Variants in WDPCP observed in about 807,000 individuals in gnomAD.
The protein encoded by WDPCP is WD repeat containing planar cell polarity effector.
WDPCP carries 71 observed loss-of-function variants against 93.1 expected under a neutral mutation model. The ratio of observed to expected loss-of-function variants is 0.76; its 90% CI spans 0.63 to 0.93. WDPCP has a LOEUF of 0.93. Among genes scored for constraint, WDPCP ranks in the 40% least tolerant of loss-of-function variants. WDPCP has a pLI of 0.00. For missense variants in WDPCP, 844 were observed against 887.4 expected, an observed-to-expected ratio of 0.95 and a Z score of 0.62; for synonymous variants, 315 against 315.0, an observed-to-expected ratio of 1.00 and a Z score of 0.00.
intron 2 of WDPCP, among the ~76,000 whole-genome samples, chr2:63,657,229 G>C (rs1710178597): frequency 8.5e-6 from 1 of 117,312 alleles, no homozygotes; most frequent in Non-Finnish European, 1.7e-5. Flanking sequence ...TTTTGCGACG[G>C]AGTCTCGCTC....
intron 2 of WDPCP, among the ~76,000 whole-genome samples, chr2:63,805,477 C>G (rs1261805590): frequency 6.6e-6 from 1 of 152,160 alleles, no homozygotes; most frequent in Non-Finnish European, 1.5e-5. Flanking sequence ...TTGAAACTGA[C>G]TCAGTTTGGT....
At chr2:63,554,634 C>T (rs544618864) in intron 1 of WDPCP, among the ~76,000 whole-genome samples, 3 of 140,776 alleles carry the variant, frequency 2.1e-5, no homozygotes, top group South Asian at 4.8e-4. Context: ...GCCTGGGTAA[C>T]AAAGCGAAAC....
chr2:63,571,417 G>A (rs1707494350), intron 1 of WDPCP: 1 of 465,478 alleles, frequency 2.1e-6, no homozygotes, highest in Non-Finnish European at 4.4e-6. Context: ...GTTTCCATCT[G>A]GTATCATTTC....
chr2:63,316,653 AAAAT>A (rs989448309), intron 12 of WDPCP, among the ~76,000 whole-genome samples: 2 of 152,054 alleles, frequency 1.3e-5, no homozygotes, highest in African/African-American at 4.8e-5. Context: ...TCTCTGCCTC[AAAAT>A]AAATAAATAA....
chr2:63,793,870 TTG>T (rs35714297), intron 2 of WDPCP, among the ~76,000 whole-genome samples: 25,597 of 144,928 alleles, frequency 0.18, 2,947 homozygotes, highest in East Asian at 0.65. Context: ...AGTACTTACA[TTG>T]TGTGTGTGTG....
intron 3 of WDPCP, among the ~76,000 whole-genome samples, chr2:63,621,480 G>T (rs1322417898): frequency 6.6e-6 from 1 of 151,964 alleles, no homozygotes; most frequent in African/African-American, 2.4e-5. Context: ...AGAGAATAAA[G>T]AATGAAAAGT....
chr2:63,528,888 A>C (rs188655609), intron 1 of WDPCP, among the ~76,000 whole-genome samples: 2,167 of 152,154 alleles, frequency 0.014, 29 homozygotes, highest in Middle Eastern at 0.024. Context: ...CTTTTATTTC[A>C]TTGAGCAGTG....
rs1277723268 is a variant in WDPCP at position 63,259,395 on chromosome 2, A to T, written c.1827T>A (p.Leu609=). 1 of 1,611,218 alleles carries T rather than the reference A, an allele frequency of 6.2e-7. No individual in the cohort carries two copies. The highest frequency in any genetic ancestry group is 1.3e-5 in the African/African-American group (1 of 74,880). Residue 609 remains leucine (L), a synonymous_variant, in exon 14 of 18, where the codon CTT becomes CTA. Coordinates refer to ENST00000272321, the MANE Select transcript of WDPCP (RefSeq NM_015910.7). The part of the protein sequence containing the change: ...ARDLFMDIHY[L]ALDKGELALA... ...GTGCCAATTCACCTTTATCTAGTGC[A>T]AGGTAATGAATATCCTGAGGAAATA...
intron 17 of WDPCP, among the ~76,000 whole-genome samples, chr2:63,140,575 A>G (rs764041167): frequency 2.8e-5 from 4 of 143,308 alleles, no homozygotes; most frequent in African/African-American, 5.2e-5. Context: ...TTTTGCAGCT[A>G]TTATAAAAGG....
At chr2:63,363,495 G>A (rs765632168) in intron 12 of WDPCP, among the ~76,000 whole-genome samples, 2 of 152,088 alleles carry the variant, frequency 1.3e-5, no homozygotes, top group South Asian at 2.1e-4. Context: ...CTACTCGGGA[G>A]GCTAAGGTGG....
chr2:63,453,791 G>A (rs1450591744), intron 6 of WDPCP, among the ~76,000 whole-genome samples: 1 of 151,220 alleles, frequency 6.6e-6, no homozygotes, highest in Non-Finnish European at 1.5e-5. Context: ...CATGTCCTTT[G>A]TAGGGACACG....
intron 12 of WDPCP, among the ~76,000 whole-genome samples, chr2:63,347,519 G>C (rs1034366906): frequency 1.3e-5 from 2 of 152,142 alleles, no homozygotes; most frequent in Non-Finnish European, 2.9e-5. Flanking sequence ...CTTTACCATA[G>C]TGTTGCTCTA....
intron 1 of WDPCP, among the ~76,000 whole-genome samples, chr2:63,815,158 T>C (rs1000839669): frequency 6.6e-6 from 1 of 152,158 alleles, no homozygotes; most frequent in Middle Eastern, 3.2e-3. Flanking sequence ...AAAAGTATAA[T>C]GAGAACTCTA....
At chr2:63,219,312 A>T (rs1411266535) in intron 14 of WDPCP, among the ~76,000 whole-genome samples, 1 of 152,208 alleles carries the variant, frequency 6.6e-6, no homozygotes, top group African/African-American at 2.4e-5. Flanking sequence ...AAGCAGACAT[A>T]AGCATAGGTT....
intron 2 of WDPCP, among the ~76,000 whole-genome samples, chr2:63,764,301 G>A (rs1285968100): frequency 2.6e-5 from 4 of 152,076 alleles, no homozygotes; most frequent in Non-Finnish European, 5.9e-5. Context: ...TATAAAAATT[G>A]TAACTTTAAT....
intron 1 of WDPCP, among the ~76,000 whole-genome samples, chr2:63,507,640 C>T (rs1701964339): frequency 6.6e-6 from 1 of 151,814 alleles, no homozygotes; most frequent in Admixed American, 6.6e-5. Flanking sequence ...CTCCACCGAG[C>T]TAAAGGGGCA....
chr2:63,788,154 A>G (rs1670496677), intron 2 of WDPCP, among the ~76,000 whole-genome samples: 1 of 152,226 alleles, frequency 6.6e-6, no homozygotes. Flanking sequence ...CTGTAGCTGT[A>G]TGTTGCAACA....
At chr2:63,599,262 T>C in intron 3 of WDPCP, 1 of 1,613,826 alleles carries the variant, frequency 6.2e-7, no homozygotes, top group Non-Finnish European at 8.5e-7. Context: ...GTTGCTTGAC[T>C]CGTTTGGATC....
chr2:63,619,353 T>A (rs1198566414), intron 3 of WDPCP, among the ~76,000 whole-genome samples: 1 of 152,212 alleles, frequency 6.6e-6, no homozygotes, highest in Non-Finnish European at 1.5e-5. Context: ...CCTTCATATA[T>A]CCACATCCCT....
Sources: gnomAD v4.1 joint callset for allele counts (sites outside exome capture counted in the v4.1 genomes callset) on GRCh38, gnomAD v4.1.1 for gene constraint, MANE v1.5 for transcripts, NCBI Gene and HGNC (gene_info 2026-07-23, HGNC 2026-07-21) for gene names.